LRRC27: variants seen among roughly 807,000 people sequenced by gnomAD.
The protein encoded by LRRC27 is leucine rich repeat containing 27, also known as leucine-rich repeat-containing protein 27.
In LRRC27, 57 loss-of-function variants were observed where a neutral mutation model predicts 55.0. The observed-to-expected ratio is 1.04, with a 90% CI of 0.84 to 1.29. The LOEUF is 1.29. Among genes scored for constraint, LRRC27 ranks in the 50% most tolerant of loss-of-function variants. LRRC27 has a pLI of 0.00. For missense variants in LRRC27, 721 were observed against 651.5 expected (o/e 1.11, Z -1.16); for synonymous variants, 278 against 251.9 (o/e 1.10, Z -0.98).
intron 6 of LRRC27, chr10:132,351,347 G>A (rs908156997): frequency 2.4e-5 from 10 of 412,072 alleles, no homozygotes; most frequent in African/African-American, 4.0e-5. Context: ...TTCCCAAGCC[G>A]ACTGTCAAGC....
chr10:132,365,291 G>T, intron 9 of LRRC27, 133 bp from the exon 10 acceptor site: 1 of 1,227,658 alleles, frequency 8.1e-7, no homozygotes, highest in Non-Finnish European at 1.2e-6. Flanking sequence ...AACTGGCACA[G>T]CTGTGCGGGA....
chr10:132,369,937 C>T (rs924235756), intron 10 of LRRC27, among the ~76,000 whole-genome samples: 1 of 152,244 alleles, frequency 6.6e-6, no homozygotes, highest in South Asian at 2.1e-4. Context: ...GACACTGTGG[C>T]GGTTGGTCTC....
intron 8 of LRRC27, among the ~76,000 whole-genome samples, chr10:132,359,141 CGAGGTGGTGGAGCAGCGTGGGGAGGTGCT>C (rs1362703382): frequency 3.8e-5 from 5 of 132,650 alleles, no homozygotes; most frequent in East Asian, 3.0e-4. Context: ...GGGAAGGAGC[CGAGGTGGTGGAGCAGCGTGGGGAGGTGCT>C]GAGGTGGTGG....
intron 8 of LRRC27, among the ~76,000 whole-genome samples, chr10:132,359,530 G>A (rs530794129): frequency 6.6e-6 from 1 of 152,224 alleles, no homozygotes; most frequent in African/African-American, 2.4e-5. Flanking sequence ...TGGCACCCAC[G>A]GGCTGGGCTG....
upstream of LRRC27, chr10:132,331,912 C>T: frequency 2.5e-6 from 2 of 807,952 alleles, no homozygotes; most frequent in African/African-American, 1.8e-5. Context: ...GCAGGCGCAC[C>T]ACAACCCCCC....
intron 1 of LRRC27, among the ~76,000 whole-genome samples, chr10:132,333,076 A>G (rs2066897053): frequency 6.6e-6 from 1 of 152,228 alleles, no homozygotes; most frequent in South Asian, 2.1e-4. Flanking sequence ...AACTAAAAAC[A>G]TAGTTCAAAT....
At chr10:132,336,223 G>T (rs968258989) in intron 2 of LRRC27, among the ~76,000 whole-genome samples, 4 of 152,278 alleles carry the variant, frequency 2.6e-5, no homozygotes, top group South Asian at 2.1e-4. Flanking sequence ...CCCTGGGGGG[G>T]GAAGAACAGG....
chr10:132,365,539 G>A lies in LRRC27; in HGVS notation c.1405G>A (p.Asp469Asn). ...GGAGGAGATGAGGAAGGCTGCCGAG[G>A]ATCTGGAAATTGTAAGGATTTCTTG... ...PLEEMRKAAE[D>N]LEIATELQDE... The change falls in exon 10 of 11, where the codon GAT becomes AAT. Residue 469 changes from aspartate (D) to asparagine (N), a missense_variant. Physicochemically the swap from Asp to Asn is conservative, Grantham distance 23. Transcript: ENST00000368614. The A allele has an allele frequency of 1.2e-6, 2 of 1,613,290 alleles. No individual in the cohort carries two copies.
intron 8 of LRRC27, among the ~76,000 whole-genome samples, chr10:132,357,660 G>C (rs1159541693): frequency 5.3e-5 from 8 of 152,346 alleles, no homozygotes; most frequent in African/African-American, 1.9e-4. Context: ...GGGGCGCAGA[G>C]GAGGGGTCGA....
intron 7 of LRRC27, among the ~76,000 whole-genome samples, chr10:132,352,623 T>C (rs2068100669): frequency 1.9e-5 from 2 of 103,566 alleles, no homozygotes; most frequent in African/African-American, 9.9e-5. Context: ...CAGGCGCAGG[T>C]GCAGCGCTCC....
chr10:132,338,999 C>A (rs551778181), intron 3 of LRRC27, among the ~76,000 whole-genome samples: 30 of 152,206 alleles, frequency 2.0e-4, no homozygotes, highest in Admixed American at 4.6e-4. Context: ...CATGAGCCCC[C>A]GCGCCCGGCT....
At chr10:132,330,214 CA>C, upstream of LRRC27, 1 of 529,622 alleles carries the variant, frequency 1.9e-6, no homozygotes, top group Non-Finnish European at 3.4e-6. Context: ...CTACTGACTA[CA>C]AAAATTAATG....
chr10:132,361,523 G>A lies in LRRC27; in HGVS notation c.1237G>A (p.Gly413Arg), dbSNP rs201094461. The change falls in exon 9 of 11, where the codon GGA (glycine) becomes AGA (arginine). Residue 413 changes from glycine (G) to arginine (R), a missense_variant. Gly to Arg is a moderately radical substitution (Grantham distance 125). Coordinates refer to ENST00000368614, the MANE Select transcript of LRRC27 (RefSeq NM_030626.3). ...CAGGAAAGTACCACTGAATCCGCCT[G>A]GAAAAATGAAACCAAGCAAAGAGAA... ...DNRKVPLNPP[G>R]KMKPSKEKSP... 1.2e-6 allele frequency: 2 copies of A among 1,613,892 alleles called. No homozygotes were observed. The highest frequency in any genetic ancestry group is 1.1e-5 in the South Asian group (1 of 91,082).
rs2069232623 is a variant in LRRC27, at chr10:132,372,153, GA to G, written c.1417-2909del. Among the ~76,000 whole-genome samples the G allele has an allele frequency of 3.3e-5, 5 of 149,638 alleles. No homozygotes were observed. Among genetic ancestry groups the G allele is most frequent in the African/African-American group, 1.2e-4 (5 of 40,288 alleles). On this transcript the variant is annotated intron_variant, in intron 10 of 10. Coordinates refer to ENST00000368614, the MANE Select transcript of LRRC27 (RefSeq NM_030626.3). This position sits in a 1 kb window ranked among gnomAD's most constrained non-coding sequence, Gnocchi z 4.0. Reference sequence around the variant, plus strand: ...GTGGCTCACGCCTGCAATCCCAGTTGAAAAGCACAGGAAGACAAAACCAACC... The same window carrying G: ...GTGGCTCACGCCTGCAATCCCAGTTGAAAGCACAGGAAGACAAAACCAACC...
Position 132,348,124 on chromosome 10 carries a change from C to A in LRRC27, c.694C>A (p.Leu232Ile). The change falls in exon 6 of 11, where the codon CTC becomes ATC. Residue 232 changes from leucine (L) to isoleucine (I), a missense_variant. Coordinates refer to ENST00000368614, the MANE Select transcript of LRRC27 (RefSeq NM_030626.3). This position sits in a 1 kb window ranked among gnomAD's most constrained non-coding sequence, Gnocchi z 4.2. ...TGTGATGAAAGAGAAGGCCAGCTTT[C>A]TCCCACCTGTGGAAAAGCCAGACCT... is the stretch of plus-strand genomic sequence containing the variant. ...GAVMKEKASF[L>I]PPVEKPDLSE... is the part of the protein sequence containing the mutation. The A allele has an allele frequency of 6.2e-7, 1 of 1,614,106 alleles. No homozygotes were observed.
intron 10 of LRRC27, among the ~76,000 whole-genome samples, chr10:132,366,064 G>C (rs1021027337): frequency 6.6e-6 from 1 of 152,264 alleles, no homozygotes; most frequent in Non-Finnish European, 1.5e-5. Flanking sequence ...AAATGTGCCA[G>C]GCCACATGGC....
rs753261028 is a variant in LRRC27 at position 132,344,563 on chromosome 10, G to C, written c.466G>C (p.Val156Leu). 8.7e-6 allele frequency: 14 copies of C among 1,614,094 alleles called. No individual in the cohort carries two copies. The highest frequency in any genetic ancestry group is 1.2e-5 in the Non-Finnish European group (14 of 1,179,998). ...HCPLEFPPQL[V>L]VQKGLVAIQR... ...CCCTCTGGAATTCCCTCCTCAGCTC[G>C]TTGTGCAGAAGGGATTGGTGGCTAT... Residue 156 changes from valine (V) to leucine (L), a missense_variant, in exon 5 of 11, where the codon GTT (valine) becomes CTT (leucine). Transcript: ENST00000368614.
At position 132,337,041 on chromosome 10, in the gene LRRC27, T is replaced by C. The variant is rs760629557; in HGVS notation, c.211-524T>C. The C allele has an allele frequency of 2.4e-5, 30 of 1,273,308 alleles. 1 individual carries two copies. The highest frequency in any genetic ancestry group is 5.8e-4 in the Middle Eastern group (2 of 3,460). 78.9% of individuals were successfully genotyped at this position (1,273,308 alleles called of 1,614,324 possible). The stretch of plus-strand genomic sequence containing the variant: ...AATCTGCTTCTGAAATGCTGCTCGC[T>C]GAGGCTTTGTTTGCTGCTGATCGTA... On this transcript the variant is annotated intron_variant, in intron 2 of 10. Transcript: ENST00000368614.
upstream of LRRC27, chr10:132,331,579 A>T: frequency 6.2e-7 from 1 of 1,612,916 alleles, no homozygotes; most frequent in Non-Finnish European, 8.5e-7. Flanking sequence ...GGCTCCAGGA[A>T]GCCCCAGGAG....
Sources: allele counts gnomAD v4.1 joint callset (sites outside exome capture counted in the v4.1 genomes callset), GRCh38; gene constraint gnomAD v4.1.1; non-coding constraint Gnocchi (gnomAD v3.1); transcripts MANE v1.5; gene names NCBI Gene and HGNC (gene_info 2026-07-23, HGNC 2026-07-21).